SNX15: variants seen among roughly 807,000 people sequenced by gnomAD.
The protein encoded by SNX15 is sorting nexin-15.
In SNX15, 29 loss-of-function variants were observed where a neutral mutation model predicts 35.2. The observed-to-expected ratio is 0.82, with a 90% CI of 0.61 to 1.12. The LOEUF (loss-of-function observed/expected upper bound fraction) is 1.12, where lower values mean the gene tolerates loss of function less well. Ranked by LOEUF, SNX15 falls within the 50% of genes most tolerant of loss-of-function variation. The pLI is 0.00. For missense variants in SNX15, 400 were observed against 451.5 expected (o/e 0.89, Z 1.03); for synonymous variants, 189 against 188.2 (o/e 1.00, Z -0.03).
intron 6 of SNX15, chr11:65,037,170 A>C (rs1021534697): frequency 6.6e-6 from 1 of 152,306 alleles, no homozygotes; most frequent in East Asian, 1.9e-4. Flanking sequence ...CTGCCTGGGC[A>C]GGAGCTTTTC....
intron 3 of SNX15, among the ~76,000 whole-genome samples, chr11:65,034,485 A>G (rs1464116080): frequency 6.6e-6 from 1 of 152,110 alleles, no homozygotes; most frequent in Admixed American, 6.6e-5. Context: ...TCTGAGCCTT[A>G]CTTTTCTCAT....
intron 3 of SNX15, among the ~76,000 whole-genome samples, chr11:65,033,287 G>A (rs1458220674): frequency 1.3e-5 from 2 of 151,432 alleles, no homozygotes; most frequent in Non-Finnish European, 2.9e-5. Flanking sequence ...GCTCACACCT[G>A]TAATCCCAGC....
rs1946383919 is a variant in SNX15 at position 65,027,466 on chromosome 11, G to C, written c.-72G>C. 8.0e-7 allele frequency: 1 copy of C among 1,257,636 alleles called. No individual in the cohort carries two copies. The highest frequency in any genetic ancestry group is 1.5e-5 in the African/African-American group (1 of 67,830). 77.9% of individuals were successfully genotyped at this position (1,257,636 alleles called of 1,614,324 possible). ...AGGCCTGGCGAGGCGGCGGCGGGCG[G>C]AGGCTGGGCCGGAGGGGTGGGGACG... On this transcript the variant is annotated 5_prime_UTR_variant, in exon 1 of 8. Transcript: ENST00000377244.
At chr11:65,035,287 T>C (rs1946488618) in intron 5 of SNX15, 81 bp downstream of exon 5, 1 of 1,360,260 alleles carries the variant, frequency 7.4e-7, no homozygotes, top group Non-Finnish European at 9.9e-7. Flanking sequence ...TCAGTGATCT[T>C]ACTGAGAAAT....
Position 65,027,649 on chromosome 11 carries a change from C to G in SNX15, c.99+13C>G, listed in dbSNP as rs755452996. 1.2e-6 allele frequency: 2 copies of G among 1,600,308 alleles called. No homozygotes were observed. The highest frequency in any genetic ancestry group is 2.2e-5 in the South Asian group (2 of 90,792). On this transcript the variant is annotated intron_variant, in intron 1 of 7. Transcript: ENST00000377244. ...AGTAACCGCGCAGGTGAGGTGGGGC[C>G]CAGCGCGTACTTTACCCTTTTAACT...
chr11:65,039,848 T>A lies in SNX15; in HGVS notation c.*56T>A. On this transcript the variant is annotated 3_prime_UTR_variant, in exon 8 of 8. Coordinates refer to ENST00000377244, the MANE Select transcript of SNX15 (RefSeq NM_013306.5). ...CTCCTGCACTGCCAGCCCCTTCTCC[T>A]CTCCCCAGGGCCTGGCCCTACCTCC... 2.4e-6 allele frequency: 3 copies of A among 1,233,966 alleles called. No homozygotes were observed. The highest frequency in any genetic ancestry group is 2.3e-6 in the Non-Finnish European group (2 of 853,380). 76.4% of individuals were successfully genotyped at this position (1,233,966 alleles called of 1,614,324 possible). A position where few individuals can be genotyped will look rare whatever the true frequency, so the allele number is the denominator to read the frequency against.
At chr11:65,031,852 G>A (rs1946442872) in intron 1 of SNX15, among the ~76,000 whole-genome samples, 1 of 151,994 alleles carries the variant, frequency 6.6e-6, no homozygotes, top group Non-Finnish European at 1.5e-5. Flanking sequence ...AGCCGAGAGT[G>A]TACCACTGCA....
intron 1 of SNX15, among the ~76,000 whole-genome samples, chr11:65,029,096 T>TATAAATAA (rs113466481): frequency 0.017 from 2,486 of 148,426 alleles, 67 homozygotes; most frequent in African/African-American, 0.055. Context: ...GTCTCAAAAA[T>TATAAATAA]ATAAATAAAT....
Position 65,034,916 on chromosome 11 carries a change from A to G in SNX15, c.326A>G (p.His109Arg). The G allele has an allele frequency of 6.2e-7, 1 of 1,614,064 alleles. No homozygotes were observed. Among genetic ancestry groups the G allele is most frequent in the Non-Finnish European group, 8.5e-7 (1 of 1,179,966 alleles). Residue 109 changes from histidine (H) to arginine (R), a missense_variant, in exon 4 of 8, where the codon CAC becomes CGC. Coordinates refer to ENST00000377244, the MANE Select transcript of SNX15 (RefSeq NM_013306.5). ...GAEDLLRFTV[H>R]IPALNNSPQL... The stretch of plus-strand genomic sequence containing the variant: ...GAGGACCTGCTTCGCTTCACTGTGC[A>G]CATACCTGCGCTCAACAACAGCCCC...
Position 65,038,734 on chromosome 11 carries a change from T to A in SNX15, c.827T>A (p.Ile276Asn), listed in dbSNP as rs763475443. ...PAYLSQATEL[I>N]TQALRDEKAG... is the part of the protein sequence containing the mutation. The stretch of plus-strand genomic sequence containing the variant: ...TACCTAAGCCAGGCCACAGAGCTCA[T>A]CACCCAGGCCCTGCGGGATGAGAAG... The change falls in exon 7 of 8, where the codon ATC (isoleucine) becomes AAC (asparagine). Residue 276 changes from isoleucine (I) to asparagine (N), a missense_variant. Transcript: ENST00000377244. 6.2e-7 allele frequency: 1 copy of A among 1,604,580 alleles called. No homozygotes were observed. Among genetic ancestry groups the A allele is most frequent in the Non-Finnish European group, 8.5e-7 (1 of 1,176,072 alleles).
chr11:65,039,029 CT>C (rs747153458), intron 7 of SNX15, among the ~76,000 whole-genome samples, 200 bp downstream of exon 7: 1,807 of 72,458 alleles, frequency 0.025, 81 homozygotes, highest in African/African-American at 0.075. Flanking sequence ...TCTTCTTCCT[CT>C]TTTTTTTTTT....
At position 65,038,784 on chromosome 11, in the gene SNX15, C is replaced by CA. The variant is rs1463600745; in HGVS notation, c.878dup (p.Tyr295LeufsTer15). ...GGCAGGCGCTTACGCTGCTGCACTC[C>CA]AGGGCTATCGAGACGGCGTGCACGT... On this transcript the variant is annotated frameshift_variant, in exon 7 of 8. Transcript: ENST00000377244. LOFTEE classifies it high-confidence loss of function. 5.0e-6 allele frequency: 8 copies of CA among 1,599,416 alleles called. No homozygotes were observed. Among genetic ancestry groups the CA allele is most frequent in the South Asian group, 1.1e-5 (1 of 88,558 alleles).
chr11:65,034,585 G>A (rs1020892988), intron 3 of SNX15, among the ~76,000 whole-genome samples: 3 of 152,220 alleles, frequency 2.0e-5, no homozygotes, highest in African/African-American at 7.2e-5. Context: ...GCAGAGACTG[G>A]TTCCTCCCCT....
chr11:65,031,313 C>T (rs993269966), intron 1 of SNX15, among the ~76,000 whole-genome samples: 2 of 152,182 alleles, frequency 1.3e-5, no homozygotes, highest in African/African-American at 2.4e-5. Flanking sequence ...TGTGAGCCAC[C>T]GTGCCTGGCA....
chr11:65,029,537 TAATA>T (rs1388512081), intron 1 of SNX15, among the ~76,000 whole-genome samples: 3 of 148,618 alleles, frequency 2.0e-5, no homozygotes, highest in Admixed American at 6.8e-5. Flanking sequence ...GTATTATATA[TAATA>T]AATATAAAAT....
chr11:65,035,073 C>G lies in SNX15; in HGVS notation c.387C>G (p.Thr129=). The change falls in exon 5 of 8, where the codon ACC becomes ACG. Residue 129 remains threonine, a synonymous_variant. Transcript: ENST00000377244. The part of the protein sequence containing the change: ...LKEFFRGGEV[T]RPLEVSRDLH... ...CTGTCCTGCAGGGTGGGGAGGTGAC[C>G]CGACCCTTGGAGGTGTCCAGGGACC... The G allele has an allele frequency of 6.2e-7, 1 of 1,613,320 alleles. No individual in the cohort carries two copies.
intron 6 of SNX15, 33 bp from the exon 7 acceptor site, chr11:65,038,539 A>G (rs199551088): frequency 7.9e-5 from 119 of 1,510,224 alleles, no homozygotes; most frequent in Non-Finnish European, 6.8e-5. Flanking sequence ...AGGAAGGGCC[A>G]GTCTGGTCCG....
Position 65,035,126 on chromosome 11 carries a change from C to G in SNX15, c.440C>G (p.Pro147Arg), listed in dbSNP as rs1052376444. 6.3e-7 allele frequency: 1 copy of G among 1,599,992 alleles called. No individual in the cohort carries two copies. Among genetic ancestry groups the G allele is most frequent in the Non-Finnish European group, 8.5e-7 (1 of 1,173,888 alleles). ...CACATCCTGCCACCCCCTCTGATCC[C>G]CACCCCGCCCCCTGATGACCCCCGG... ...DLHILPPPLI[P>R]TPPPDDPRLS... Residue 147 changes from proline to arginine, a missense_variant, in exon 5 of 8, where the codon CCC (proline) becomes CGC (arginine). Coordinates refer to ENST00000377244, the MANE Select transcript of SNX15 (RefSeq NM_013306.5).
chr11:65,035,234 G>T, intron 5 of SNX15, 28 bp downstream of exon 5: 1 of 1,537,616 alleles, frequency 6.5e-7, no homozygotes, highest in East Asian at 2.3e-5. Context: ...GAGGGAACCA[G>T]GGCTGGAGGG....
Sources: allele counts gnomAD v4.1 joint callset (sites outside exome capture counted in the v4.1 genomes callset), GRCh38; gene constraint gnomAD v4.1.1; transcripts MANE v1.5; gene names NCBI Gene and HGNC (gene_info 2026-07-23, HGNC 2026-07-21).